Variants in KIF9 observed in about 807,000 individuals in gnomAD.
The protein encoded by KIF9 is kinesin family member 9, also known as kinesin-like protein KIF9.
A neutral mutation model predicts 94.8 loss-of-function variants in KIF9; 68 were observed. That is an observed-to-expected ratio of 0.72 (90% CI 0.59 to 0.88). KIF9 has a LOEUF of 0.88. KIF9 is among the 40% of genes least tolerant of loss of function. The pLI is 0.00. For synonymous variants in KIF9, 343 were observed against 362.1 expected, an observed-to-expected ratio of 0.95 and a Z score of 0.60; for missense variants, 882 against 982.5, an observed-to-expected ratio of 0.90 and a Z score of 1.37.
chr3:47,233,240 GTAGTCCCAGT>G (rs1698742985), intron 20 of KIF9, among the ~76,000 whole-genome samples: 1 of 150,982 alleles, frequency 6.6e-6, no homozygotes, highest in African/African-American at 2.4e-5. Context: ...GCGGGTGCCT[GTAGTCCCAGT>G]TATTCAAGAG....
intron 20 of KIF9, among the ~76,000 whole-genome samples, chr3:47,232,906 C>T (rs542148956): frequency 3.4e-5 from 5 of 145,804 alleles, no homozygotes; most frequent in African/African-American, 1.0e-4. Flanking sequence ...GGCGTGAACC[C>T]GGGAGGCGGA....
intron 1 of KIF9, chr3:47,280,891 T>G (rs1702288542): frequency 1.4e-6 from 1 of 702,878 alleles, no homozygotes; most frequent in African/African-American, 1.7e-5. Context: ...CTTGTGAGCC[T>G]GCTACTCAGC....
chr3:47,275,910 T>C (rs1701937154), intron 2 of KIF9, among the ~76,000 whole-genome samples: 1 of 152,218 alleles, frequency 6.6e-6, no homozygotes, highest in Non-Finnish European at 1.5e-5. Context: ...CTCTGGTTGC[T>C]GGCAGTGAGG....
intron 16 of KIF9, 95 bp downstream of exon 16, chr3:47,242,956 T>C: frequency 1.9e-6 from 2 of 1,062,040 alleles, no homozygotes; most frequent in Non-Finnish European, 2.7e-6. Context: ...TTATTTCTTA[T>C]TTTATTTCTC....
At position 47,244,825 on chromosome 3, in the gene KIF9, C is replaced by T. The variant is rs747599915; in HGVS notation, c.1480G>A (p.Ala494Thr). The T allele has an allele frequency of 3.1e-6, 5 of 1,614,128 alleles. No individual in the cohort carries two copies. In the East Asian group the frequency reaches 6.7e-5, roughly 22 times the overall value. Residue 494 changes from alanine (A) to threonine (T), a missense_variant, in exon 15 of 21, where the codon GCC becomes ACC. Coordinates refer to ENST00000684063, the MANE Select transcript of KIF9 (RefSeq NM_182902.4). ...APFSTKPGKKAKSKKTFKEPL... is the reference protein window; with the variant it reads ...APFSTKPGKKTKSKKTFKEPL... ...TCTTTGAATGTCTTCTTGGACTTGGCTTTCTTCCCAGGTTTGGTAGAGAAA... is the reference window on the plus strand; with the variant it reads ...TCTTTGAATGTCTTCTTGGACTTGGTTTTCTTCCCAGGTTTGGTAGAGAAA...
chr3:47,262,307 C>T (rs1701029534), intron 9 of KIF9, among the ~76,000 whole-genome samples: 1 of 149,524 alleles, frequency 6.7e-6, no homozygotes, highest in African/African-American at 2.5e-5. Context: ...GAGATGGAGT[C>T]TTGCTCTGTC....
chr3:47,263,001 C>T (rs575610920), intron 9 of KIF9, among the ~76,000 whole-genome samples: 14 of 152,128 alleles, frequency 9.2e-5, no homozygotes, highest in African/African-American at 1.4e-4. Context: ...CAGGTTCAAG[C>T]GATTCTCCTG....
At chr3:47,258,178 AAT>A (rs1454748378) in intron 9 of KIF9, among the ~76,000 whole-genome samples, 1 of 152,236 alleles carries the variant, frequency 6.6e-6, no homozygotes, top group Non-Finnish European at 1.5e-5. Flanking sequence ...AAATAATTTT[AAT>A]ATGTTTTATT....
chr3:47,241,370 G>A (rs1575954049), intron 16 of KIF9, among the ~76,000 whole-genome samples: 1 of 150,912 alleles, frequency 6.6e-6, no homozygotes, highest in East Asian at 1.9e-4. Context: ...CACCCAGGCT[G>A]GAGTGAAATG....
intron 1 of KIF9, among the ~76,000 whole-genome samples, chr3:47,278,015 C>T (rs186364589): frequency 7.2e-4 from 105 of 146,186 alleles, no homozygotes; most frequent in Non-Finnish European, 1.3e-3. Context: ...TGTGTGTATG[C>T]GTGTGCATAT....
intron 13 of KIF9, chr3:47,245,729 C>T (rs1246212737): frequency 3.5e-6 from 2 of 571,062 alleles, no homozygotes; most frequent in African/African-American, 1.9e-5. Flanking sequence ...CAAGGGCTAC[C>T]TTATGTCATG....
At chr3:47,267,397 C>A (rs1388762800) in intron 5 of KIF9, 134 bp from the exon 6 acceptor site, 4 of 699,994 alleles carry the variant, frequency 5.7e-6, no homozygotes, top group Non-Finnish European at 1.0e-5. Flanking sequence ...TCCAGGCAAA[C>A]CTCTTTTATA....
intron 10 of KIF9, among the ~76,000 whole-genome samples, chr3:47,256,504 G>A (rs1289004764): frequency 4.6e-5 from 7 of 151,328 alleles, no homozygotes; most frequent in East Asian, 2.0e-4. Context: ...CAGCCGCCCC[G>A]TCTGGGAGGG....
intron 10 of KIF9, among the ~76,000 whole-genome samples, chr3:47,256,559 G>A (rs1335040398): frequency 6.6e-6 from 1 of 151,760 alleles, no homozygotes; most frequent in African/African-American, 2.4e-5. Context: ...CCCTGTCCGG[G>A]AGGGGAGGGG....
intron 13 of KIF9, chr3:47,245,775 T>C: frequency 1.9e-6 from 1 of 529,446 alleles, no homozygotes; most frequent in East Asian, 3.2e-5. Flanking sequence ...ATAAGGACCG[T>C]AAGCTTCACT....
At chr3:47,250,775 G>T (rs535414843) in intron 10 of KIF9, 130 of 196,106 alleles carry the variant, frequency 6.6e-4, no homozygotes, top group Non-Finnish European at 1.1e-3. Flanking sequence ...GTCATAAAAG[G>T]GCCACTGGAG....
intron 10 of KIF9, among the ~76,000 whole-genome samples, chr3:47,256,380 C>T (rs1366929865): frequency 5.9e-5 from 9 of 151,726 alleles, no homozygotes; most frequent in African/African-American, 1.9e-4. Flanking sequence ...ACCGCCCCGT[C>T]TGAGAAGTGA....
At chr3:47,257,215 C>T (rs1008229515) in intron 10 of KIF9, among the ~76,000 whole-genome samples, 2 of 152,136 alleles carry the variant, frequency 1.3e-5, no homozygotes, top group African/African-American at 4.8e-5. Context: ...ATCTTAAGGT[C>T]GGCTTCTATC....
rs138396855 is a variant in KIF9, at chr3:47,271,416, G to A, written c.412C>T (p.Arg138Cys). 6.3e-5 allele frequency: 101 copies of A among 1,613,922 alleles called. No homozygotes were observed. Among genetic ancestry groups the A allele is most frequent in the Admixed American group, 1.8e-4 (11 of 59,992 alleles). The change falls in exon 5 of 21, where the codon CGT becomes TGT. Residue 138 changes from arginine to cysteine, a missense_variant. Arg to Cys is a radical substitution (Grantham distance 180). Coordinates refer to ENST00000684063, the MANE Select transcript of KIF9 (RefSeq NM_182902.4). The part of the protein sequence containing the change: ...EERPTHAITV[R>C]VSYLEIYNES... Reference sequence around the variant, plus strand: ...TTATAGATTTCCAAGTAGGAAACACGCACAGTGATGGCATGTGTGGGGCGT... The same window carrying A: ...TTATAGATTTCCAAGTAGGAAACACACACAGTGATGGCATGTGTGGGGCGT...
Sources: allele counts gnomAD v4.1 joint callset (sites outside exome capture counted in the v4.1 genomes callset), GRCh38; gene constraint gnomAD v4.1.1; transcripts MANE v1.5; gene names NCBI Gene and HGNC (gene_info 2026-07-23, HGNC 2026-07-21).